The following CC2D2A variants were observed in gnomAD, a reference collection of about 807,000 sequenced individuals.
CC2D2A encodes coiled-coil and C2 domain-containing protein 2A.
In CC2D2A, 155 loss-of-function variants were observed where a neutral mutation model predicts 212.9. The ratio of observed to expected loss-of-function variants is 0.73; its 90% confidence interval spans 0.64 to 0.83. The LOEUF is 0.83. CC2D2A is among the 40% of genes least tolerant of loss of function. CC2D2A has a pLI of 0.00. For missense variants in CC2D2A, 1,856 were observed against 1,956.2 expected, an observed-to-expected ratio of 0.95 and a Z score of 0.97; for synonymous variants, 667 against 686.5, an observed-to-expected ratio of 0.97 and a Z score of 0.44.
chr4:15,479,066 C>A (rs1335989564), intron 3 of CC2D2A, among the ~76,000 whole-genome samples: 2 of 152,144 alleles, frequency 1.3e-5, no homozygotes, highest in African/African-American at 2.4e-5. Context: ...TCTCCCATCT[C>A]CTGAGAGAGG....
intron 34 of CC2D2A, 83 bp from the exon 35 acceptor site, chr4:15,597,320 TTTCA>T: frequency 1.0e-6 from 1 of 963,308 alleles, no homozygotes; most frequent in South Asian, 1.4e-5. Flanking sequence ...ATGTCTGAGA[TTTCA>T]TTGATTTTTA....
At chr4:15,493,827 TCAAGA>T (rs1715454575) in intron 4 of CC2D2A, among the ~76,000 whole-genome samples, 1 of 152,198 alleles carries the variant, frequency 6.6e-6, no homozygotes, top group African/African-American at 2.4e-5. Context: ...GATTGAAGGG[TCAAGA>T]CAAGATTCTG....
chr4:15,519,832 T>G (rs1717105070), intron 11 of CC2D2A: 1 of 293,572 alleles, frequency 3.4e-6, no homozygotes, highest in African/African-American at 2.2e-5. Flanking sequence ...GTTCCTCTCA[T>G]GACATGAGGG....
intron 25 of CC2D2A, 79 bp downstream of exon 25, chr4:15,567,561 G>A: frequency 7.4e-7 from 1 of 1,358,212 alleles, no homozygotes; most frequent in Non-Finnish European, 1.0e-6. Flanking sequence ...TGGATAGTCT[G>A]CTCTCTGCTT....
chr4:15,491,695 G>A (rs1027521776), intron 4 of CC2D2A, among the ~76,000 whole-genome samples: 7 of 152,106 alleles, frequency 4.6e-5, no homozygotes, highest in Non-Finnish European at 7.4e-5. Context: ...ATGAGCCACC[G>A]CACCCAGCTA....
intron 13 of CC2D2A, among the ~76,000 whole-genome samples, chr4:15,530,019 T>C (rs1717749165): frequency 6.6e-6 from 1 of 151,910 alleles, no homozygotes; most frequent in Non-Finnish European, 1.5e-5. Context: ...TCGCCCAGGC[T>C]GGAGTGCAGT....
intron 33 of CC2D2A, among the ~76,000 whole-genome samples, chr4:15,593,608 T>G (rs1285794599): frequency 6.6e-6 from 1 of 152,138 alleles, no homozygotes; most frequent in Non-Finnish European, 1.5e-5. Context: ...AACTCCTGAT[T>G]CCCCTTTGCA....
chr4:15,597,377 A>G (rs774755089), intron 34 of CC2D2A, 30 bp from the exon 35 acceptor site: 16 of 1,502,234 alleles, frequency 1.1e-5, no homozygotes, highest in Non-Finnish European at 1.4e-5. Context: ...GGTGATTTTT[A>G]TACTTTCTGA....
At chr4:15,572,989 C>T (rs1423363916) in intron 28 of CC2D2A, among the ~76,000 whole-genome samples, 2 of 152,274 alleles carry the variant, frequency 1.3e-5, no homozygotes, top group East Asian at 3.9e-4. Flanking sequence ...CAGTCTAGTC[C>T]TTCCACATTC....
intron 11 of CC2D2A, among the ~76,000 whole-genome samples, chr4:15,526,450 G>T (rs1183180788): frequency 1.3e-5 from 2 of 152,122 alleles, no homozygotes; most frequent in Non-Finnish European, 2.9e-5. Context: ...CCATGCAAAA[G>T]AATTAAATGA....
intron 4 of CC2D2A, chr4:15,482,160 T>C (rs1714713267): frequency 1.0e-6 from 1 of 985,318 alleles, no homozygotes; most frequent in East Asian, 1.1e-4. Flanking sequence ...ACTAGAGGCC[T>C]TTGGAAGCAA....
At position 15,510,382 on chromosome 4, in the gene CC2D2A, G is replaced by A. The variant is rs1488327087; in HGVS notation, c.540+142G>A. 11 of 675,790 alleles carry A rather than the reference G, an allele frequency of 1.6e-5. 1 individual carries two copies. Among genetic ancestry groups the A allele is most frequent in the Middle Eastern group, 3.6e-4 (1 of 2,808 alleles). 41.9% of individuals were successfully genotyped at this position (675,790 alleles called of 1,614,324 possible). On this transcript the variant is annotated intron_variant, in intron 7 of 36. Transcript: ENST00000424120. ...AGGCCAAGACAGGCAGATATATTGA[G>A]CACAGGAGTTCAAGACCAGCCTGGA... is the stretch of plus-strand genomic sequence containing the variant.
At chr4:15,503,518 C>T (rs1052563070) in intron 6 of CC2D2A, among the ~76,000 whole-genome samples, 14 of 152,108 alleles carry the variant, frequency 9.2e-5, no homozygotes, top group African/African-American at 3.1e-4. Flanking sequence ...GGATTTGATC[C>T]CAGCTCTATA....
At chr4:15,577,337 T>C (rs1461562561) in intron 29 of CC2D2A, among the ~76,000 whole-genome samples, 1 of 152,184 alleles carries the variant, frequency 6.6e-6, no homozygotes, top group Non-Finnish European at 1.5e-5. Context: ...TTCAGTTTTT[T>C]ATAAATGTTT....
At chr4:15,584,775 C>T (rs1170291705) in intron 30 of CC2D2A, among the ~76,000 whole-genome samples, 2 of 152,120 alleles carry the variant, frequency 1.3e-5, no homozygotes, top group Admixed American at 6.5e-5. Flanking sequence ...ATCTAGAATA[C>T]GTAAGGAACT....
intron 11 of CC2D2A, among the ~76,000 whole-genome samples, chr4:15,522,578 G>A (rs777570961): frequency 6.6e-6 from 1 of 151,192 alleles, no homozygotes; most frequent in Non-Finnish European, 1.5e-5. Context: ...TCCTAATATT[G>A]TCTCAATATT....
rs559795739 is a variant in CC2D2A at position 15,512,717 on chromosome 4, C to T, written c.717+1294C>T. Among the ~76,000 whole-genome samples the T allele has an allele frequency of 3.4e-4, 52 of 152,116 alleles. 1 individual carries two copies. The highest frequency in any genetic ancestry group is 7.2e-4 in the Admixed American group (11 of 15,274). ...GCCTGTAATCCCAGCTTTGGGAGGC[C>T]GAGGAGGGCGGATCACCTAAGGTCA... On this transcript the variant is annotated intron_variant, in intron 8 of 36. Transcript: ENST00000424120.
chr4:15,565,487 A>G (rs1719841310), intron 24 of CC2D2A, among the ~76,000 whole-genome samples: 2 of 150,860 alleles, frequency 1.3e-5, no homozygotes, highest in South Asian at 4.2e-4. Context: ...TATTGAGATG[A>G]TTTGTTTATG....
chr4:15,497,106 A>C (rs1476821207), intron 4 of CC2D2A, among the ~76,000 whole-genome samples: 4 of 152,232 alleles, frequency 2.6e-5, no homozygotes, highest in Admixed American at 2.0e-4. Context: ...AATAGCCAAC[A>C]TGATCCTAAG....
Sources: gnomAD v4.1 joint callset for allele counts (sites outside exome capture counted in the v4.1 genomes callset) on GRCh38, gnomAD v4.1.1 for gene constraint, MANE v1.5 for transcripts, NCBI Gene and HGNC (gene_info 2026-07-23, HGNC 2026-07-21) for gene names.